Variants in STK10 observed in about 807,000 individuals in gnomAD.
STK10 encodes serine/threonine-protein kinase 10.
STK10 carries 78 observed loss-of-function variants against 113.8 expected under a neutral mutation model. The observed-to-expected ratio is 0.69, with a 90% CI of 0.57 to 0.83. The LOEUF is 0.83. STK10 is among the 40% of genes least tolerant of loss of function. The pLI, the probability that STK10 is intolerant of heterozygous loss-of-function variation, is 0.00. For synonymous variants in STK10, 465 were observed against 494.7 expected, an observed-to-expected ratio of 0.94 and a Z score of 0.80; for missense variants, 1,109 against 1,280.1, an observed-to-expected ratio of 0.87 and a Z score of 2.04.
intron 14 of STK10, among the ~76,000 whole-genome samples, chr5:172,059,117 C>T (rs1419273941): frequency 6.6e-6 from 1 of 151,256 alleles, no homozygotes; most frequent in East Asian, 2.0e-4. Context: ...GTAGTCCCAG[C>T]TACTCAGGAG....
chr5:172,079,480 A>G (rs752447857), intron 12 of STK10, among the ~76,000 whole-genome samples: 1 of 151,950 alleles, frequency 6.6e-6, no homozygotes, highest in Non-Finnish European at 1.5e-5. Context: ...TCAATATTGG[A>G]CTTTTTGTTT....
rs563395895 is a variant in STK10, at chr5:172,159,474, G to A, written c.157-2686C>T. Among the ~76,000 whole-genome samples the A allele has an allele frequency of 8.2e-4, 125 of 152,170 alleles. 1 individual carries two copies. The highest frequency in any genetic ancestry group is 3.4e-3 in the Middle Eastern group (1 of 292). ...GGAGGATCACTTGAGCCCAGGAGAC[G>A]GAGGCTGCAGTGAGCTGAGATCTTG... On this transcript the variant is annotated intron_variant, in intron 1 of 18. Transcript: ENST00000176763.
At chr5:172,151,403 T>C (rs963311541) in intron 2 of STK10, among the ~76,000 whole-genome samples, 19 of 151,936 alleles carry the variant, frequency 1.3e-4, no homozygotes, top group South Asian at 2.1e-4. Flanking sequence ...TGGAGTGCAA[T>C]GGCACAATCT....
intron 13 of STK10, 153 bp downstream of exon 13, chr5:172,064,567 G>C: frequency 1.4e-6 from 1 of 714,560 alleles, no homozygotes; most frequent in Non-Finnish European, 2.4e-6. Flanking sequence ...ATGGAGGAGG[G>C]GATAATGGGG....
chr5:172,116,362 G>A (rs535375748), intron 4 of STK10, among the ~76,000 whole-genome samples: 17 of 152,086 alleles, frequency 1.1e-4, no homozygotes, highest in Admixed American at 7.9e-4. Context: ...GATTACAGGC[G>A]TGAGCCACCA....
chr5:172,112,752 T>G (rs1769266458), intron 4 of STK10, among the ~76,000 whole-genome samples: 1 of 148,878 alleles, frequency 6.7e-6, no homozygotes, highest in African/African-American at 2.5e-5. Context: ...CACACTTTTA[T>G]TCTTTTTTTT....
At chr5:172,175,924 G>C (rs984402448) in intron 1 of STK10, among the ~76,000 whole-genome samples, 7 of 152,144 alleles carry the variant, frequency 4.6e-5, no homozygotes, top group Non-Finnish European at 8.8e-5. Flanking sequence ...CTTTCATGGG[G>C]ATACGAGAAG....
intron 8 of STK10, among the ~76,000 whole-genome samples, chr5:172,095,392 G>A (rs73321851): frequency 0.058 from 8,856 of 152,226 alleles, 816 homozygotes; most frequent in African/African-American, 0.2. Flanking sequence ...CCAGGTGTGA[G>A]CGCTTTCTAC....
rs3103586 is a variant in STK10 at position 172,107,797 on chromosome 5, G to A, written c.576C>T (p.Phe192=). 14,309 of 1,614,116 alleles carry A rather than the reference G, an allele frequency of 8.9e-3. 82 individuals are homozygous for A. Among genetic ancestry groups the A allele is most frequent in the African/African-American group, 0.019 (1,414 of 75,026 alleles). ...NLKTLQKRDS[F]IGTPYWMAPE... Reference sequence around the variant, plus strand: ...CGACTCACCAGTAAGGCGTGCCGATGAAGGAATCTCGTTTCTGTAGAGTCT... The same window carrying A: ...CGACTCACCAGTAAGGCGTGCCGATAAAGGAATCTCGTTTCTGTAGAGTCT... Residue 192 remains phenylalanine (F), a synonymous_variant, in exon 5 of 19, where the codon TTC becomes TTT. Transcript: ENST00000176763.
At chr5:172,145,163 T>C (rs1035108749) in intron 2 of STK10, among the ~76,000 whole-genome samples, 2 of 152,176 alleles carry the variant, frequency 1.3e-5, no homozygotes, top group Admixed American at 1.3e-4. Context: ...TTTCATCCAT[T>C]TGACCATCTG....
rs889503644 is a variant in STK10, at chr5:172,082,816, C to A, written c.1809+145G>T. ...GGGGTTCTGTGTTAACAAGTCACTG[C>A]CTAACAAGATCGGGAAGCCCCCAGG... On this transcript the variant is annotated intron_variant, in intron 11 of 18. Transcript: ENST00000176763. This position sits in a 1 kb window ranked among gnomAD's most constrained non-coding sequence, Gnocchi z 4.3. 7.6e-7 allele frequency: 1 copy of A among 1,318,026 alleles called. No homozygotes were observed. Among genetic ancestry groups the A allele is most frequent in the South Asian group, 1.4e-5 (1 of 69,952 alleles). 81.6% of individuals were successfully genotyped at this position (1,318,026 alleles called of 1,614,324 possible).
At chr5:172,060,342 G>A (rs1039312389) in intron 14 of STK10, among the ~76,000 whole-genome samples, 1 of 152,220 alleles carries the variant, frequency 6.6e-6, no homozygotes, top group Non-Finnish European at 1.5e-5. Flanking sequence ...CAGAGGCAGA[G>A]GTCACAATGA....
chr5:172,168,548 T>C (rs527783262), intron 1 of STK10, among the ~76,000 whole-genome samples: 2 of 152,250 alleles, frequency 1.3e-5, no homozygotes, highest in Admixed American at 6.5e-5. Flanking sequence ...CCCAGGTCCT[T>C]GCGGGCTCAG....
chr5:172,171,374 C>G (rs866010721), intron 1 of STK10, among the ~76,000 whole-genome samples: 22 of 152,144 alleles, frequency 1.4e-4, no homozygotes, highest in African/African-American at 3.9e-4. Context: ...CCTCCAGAAG[C>G]TGTTGTGAGC....
intron 18 of STK10, among the ~76,000 whole-genome samples, chr5:172,045,979 C>T (rs1241073897): frequency 6.6e-6 from 1 of 151,800 alleles, no homozygotes. Flanking sequence ...CGTGAGCCAC[C>T]GCGCCTGGCC....
intron 2 of STK10, among the ~76,000 whole-genome samples, chr5:172,149,231 C>T (rs995748097): frequency 1.1e-4 from 16 of 152,206 alleles, no homozygotes; most frequent in African/African-American, 2.9e-4. Flanking sequence ...ACAGCCCACC[C>T]GGCACAGGCC....
rs189137715 is a variant in STK10 at position 172,160,159 on chromosome 5, A to C, written c.157-3371T>G. Among the ~76,000 whole-genome samples the C allele has an allele frequency of 5.5e-3, 818 of 147,462 alleles. 8 individuals are homozygous for C. The highest frequency in any genetic ancestry group is 0.02 in the African/African-American group (778 of 39,794). ...TCAAAAAAAAAAGAAAGAAAAAAAA[A>C]CCACAAACACATTTCCCTACAAAAT... is the stretch of plus-strand genomic sequence containing the variant. On this transcript the variant is annotated intron_variant, in intron 1 of 18. Transcript: ENST00000176763.
chr5:172,084,476 T>C (rs1768508010), intron 10 of STK10, among the ~76,000 whole-genome samples: 1 of 151,840 alleles, frequency 6.6e-6, no homozygotes, highest in Non-Finnish European at 1.5e-5. Flanking sequence ...AAAAGCAAGA[T>C]ATTAAAGAAT....
chr5:172,106,510 C>T, intron 6 of STK10, 110 bp downstream of exon 6: 2 of 1,222,608 alleles, frequency 1.6e-6, no homozygotes, highest in Non-Finnish European at 2.2e-6. Context: ...TTGGAGCTAG[C>T]AGCACCAGGA....
Sources: allele counts gnomAD v4.1 joint callset (sites outside exome capture counted in the v4.1 genomes callset), GRCh38; gene constraint gnomAD v4.1.1; non-coding constraint Gnocchi (gnomAD v3.1); transcripts MANE v1.5; gene names NCBI Gene and HGNC (gene_info 2026-07-23, HGNC 2026-07-21).